Variants in EYA4 observed in about 807,000 individuals in gnomAD.
EYA4 encodes the protein protein phosphatase EYA4.
Under a neutral mutation model 87.9 loss-of-function variants are expected in EYA4, and 31 were observed. The observed-to-expected ratio is 0.35, with a 90% CI of 0.27 to 0.48. The LOEUF (loss-of-function observed/expected upper bound fraction) is 0.48. Among genes scored for constraint, EYA4 ranks in the 20% least tolerant of loss-of-function variants. The probability of loss-of-function intolerance (pLI) is 0.99; values close to 1 mark genes in which losing one functional copy is unlikely to be tolerated. For missense variants in EYA4, 678 were observed against 761.4 expected (o/e 0.89, Z 1.29); for synonymous variants, 263 against 270.6 (o/e 0.97, Z 0.28).
chr6:133,530,664 A>C lies in EYA4; in HGVS notation c.*1859A>C. 1.0e-6 allele frequency: 1 copy of C among 985,640 alleles called. No homozygotes were observed. Among genetic ancestry groups the C allele is most frequent in the Non-Finnish European group, 1.2e-6 (1 of 829,758 alleles). 61.1% of individuals were successfully genotyped at this position (985,640 alleles called of 1,614,324 possible). On this transcript the variant is annotated 3_prime_UTR_variant, in exon 20 of 20. Transcript: ENST00000355286. ...TTAGGCTACAAACCTGTATTTCTTT[A>C]CTGAATGCTAAGGCCATGTTTATAT...
chr6:133,499,876 G>A (rs762298364), intron 13 of EYA4, among the ~76,000 whole-genome samples: 3 of 151,828 alleles, frequency 2.0e-5, no homozygotes, highest in Non-Finnish European at 4.4e-5. Flanking sequence ...GCCGTCCTGT[G>A]GAAGCACCAC....
chr6:133,417,799 C>G (rs1387995197), intron 3 of EYA4, among the ~76,000 whole-genome samples: 1 of 152,128 alleles, frequency 6.6e-6, no homozygotes, highest in Non-Finnish European at 1.5e-5. Flanking sequence ...AAATGTTTGC[C>G]TAAAGTCATA....
intron 13 of EYA4, among the ~76,000 whole-genome samples, chr6:133,484,408 C>G (rs765057006): frequency 4.6e-5 from 7 of 152,320 alleles, no homozygotes; most frequent in Non-Finnish European, 1.0e-4. Context: ...GAAGTCTAGT[C>G]TTCCTAAATT....
intron 1 of EYA4, among the ~76,000 whole-genome samples, chr6:133,249,171 T>C (rs1774679416): frequency 6.6e-6 from 1 of 152,174 alleles, no homozygotes; most frequent in South Asian, 2.1e-4. Flanking sequence ...GCTTTTATTG[T>C]ATTCTTATAT....
At chr6:133,494,109 G>A (rs1481387060) in intron 13 of EYA4, among the ~76,000 whole-genome samples, 2 of 152,120 alleles carry the variant, frequency 1.3e-5, no homozygotes, top group African/African-American at 4.8e-5. Flanking sequence ...GTATATCAAA[G>A]AGGTATTTGC....
In EYA4 at chr6:133,300,883, A is replaced by G. The variant is rs371058285; in HGVS notation, c.33+26070A>G. Among the ~76,000 whole-genome samples the G allele has an allele frequency of 9.8e-5, 15 of 152,308 alleles. No individual in the cohort carries two copies. In the East Asian group the frequency reaches 2.1e-3, roughly 22 times the overall value. On this transcript the variant is annotated intron_variant, in intron 2 of 19. Coordinates refer to ENST00000355286, the MANE Select transcript of EYA4 (RefSeq NM_004100.5). ...TCTTTTATAACTTTTAATGAGCGCA[A>G]TAGTTAGATGGTTACCACAGCTGGT... is the stretch of plus-strand genomic sequence containing the variant.
chr6:133,411,693 A>AAT lies in EYA4; in HGVS notation c.83+29257_83+29258dup, dbSNP rs1465339972. ...CCATAGAATTGAAAGTTATTTGCATAATATATCAGAGCACATAATAATTTA... is the reference window on the plus strand; with the variant it reads ...CCATAGAATTGAAAGTTATTTGCATAATATATATCAGAGCACATAATAATTTA... On this transcript the variant is annotated intron_variant, in intron 3 of 19. Transcript: ENST00000355286. Among the ~76,000 whole-genome samples, 3 of 152,226 alleles carry AAT rather than the reference A, an allele frequency of 2.0e-5. No homozygotes were observed. The East Asian group carries it at 5.8e-4, about 29-fold the overall frequency.
intron 2 of EYA4, among the ~76,000 whole-genome samples, chr6:133,294,049 AT>A (rs1562257616): frequency 3.3e-5 from 3 of 90,508 alleles, no homozygotes; most frequent in Non-Finnish European, 7.4e-5. Flanking sequence ...ATATATATAT[AT>A]ATATATATAT....
At chr6:133,426,593 C>G (rs758649899) in intron 3 of EYA4, among the ~76,000 whole-genome samples, 1 of 152,148 alleles carries the variant, frequency 6.6e-6, no homozygotes, top group Non-Finnish European at 1.5e-5. Flanking sequence ...GTTATTTCCC[C>G]ATTAGATTCC....
At chr6:133,462,801 T>C in intron 9 of EYA4, 37 bp downstream of exon 9, 1 of 1,599,268 alleles carries the variant, frequency 6.3e-7, no homozygotes. Flanking sequence ...TTGGGAGAAC[T>C]AATTCTTTGA....
chr6:133,348,261 G>GTTTT (rs35905853), intron 2 of EYA4, among the ~76,000 whole-genome samples: 15 of 68,784 alleles, frequency 2.2e-4, no homozygotes, highest in African/African-American at 4.5e-4. Context: ...TCTTCAAGTA[G>GTTTT]TTTTTTTTTT....
At chr6:133,417,282 CTT>C (rs1184642139) in intron 3 of EYA4, among the ~76,000 whole-genome samples, 1 of 152,094 alleles carries the variant, frequency 6.6e-6, no homozygotes, top group Non-Finnish European at 1.5e-5. Flanking sequence ...TTGGGTCACA[CTT>C]TGGTTCTCTT....
At chr6:133,357,109 A>G (rs1784115101) in intron 2 of EYA4, among the ~76,000 whole-genome samples, 1 of 151,836 alleles carries the variant, frequency 6.6e-6, no homozygotes, top group South Asian at 2.1e-4. Flanking sequence ...GTCTCTACTA[A>G]AAATACAAAA....
At chr6:133,509,738 C>T (rs868378138) in intron 14 of EYA4, among the ~76,000 whole-genome samples, 3 of 152,154 alleles carry the variant, frequency 2.0e-5, no homozygotes, top group South Asian at 2.1e-4. Flanking sequence ...TTTTTGGTCA[C>T]TTTGTGAGAC....
At chr6:133,432,926 A>C (rs1461828815) in intron 3 of EYA4, among the ~76,000 whole-genome samples, 1 of 151,184 alleles carries the variant, frequency 6.6e-6, no homozygotes, top group African/African-American at 2.4e-5. Context: ...TAGCCCTGTA[A>C]ACCCGAGAAG....
chr6:133,274,907 C>A, intron 2 of EYA4, 94 bp downstream of exon 2: 1 of 938,448 alleles, frequency 1.1e-6, no homozygotes, highest in Admixed American at 1.9e-5. Context: ...GTAAGTTTTT[C>A]ATTAAATATA....
chr6:133,363,769 C>T (rs936413554), intron 2 of EYA4, among the ~76,000 whole-genome samples: 2 of 152,318 alleles, frequency 1.3e-5, no homozygotes, highest in African/African-American at 4.8e-5. Flanking sequence ...CCCACCGCGC[C>T]CGGCGAGACC....
intron 3 of EYA4, among the ~76,000 whole-genome samples, chr6:133,409,335 A>C (rs1006900070): frequency 6.6e-6 from 1 of 152,172 alleles, no homozygotes; most frequent in African/African-American, 2.4e-5. Context: ...TATACACACA[A>C]AAAAAGAAGT....
rs944604009 is a variant in EYA4 at position 133,526,165 on chromosome 6, G to T, written c.1839+911G>T. ...TGTCAACTCCACCCTAAGATCTACT[G>T]CTGCCTTCACCGAATGATAGAAAAA... On this transcript the variant is annotated intron_variant, in intron 19 of 19. Coordinates refer to ENST00000355286, the MANE Select transcript of EYA4 (RefSeq NM_004100.5). 4.9e-4 allele frequency among the ~76,000 whole-genome samples: 74 copies of T among 152,254 alleles called. 1 individual carries two copies. Among genetic ancestry groups the T allele is most frequent in the African/African-American group, 1.7e-3 (69 of 41,544 alleles).
Sources: allele counts gnomAD v4.1 joint callset (sites outside exome capture counted in the v4.1 genomes callset), GRCh38; gene constraint gnomAD v4.1.1; transcripts MANE v1.5; gene names NCBI Gene and HGNC (gene_info 2026-07-23, HGNC 2026-07-21).